EYS: variants seen among roughly 807,000 people sequenced by gnomAD.
EYS encodes protein eyes shut homolog.
Under a neutral mutation model 282.1 loss-of-function variants are expected in EYS, and 250 were observed. The observed-to-expected ratio is 0.89, with a 90% CI of 0.80 to 0.98. EYS has a LOEUF of 0.98. Among genes scored for constraint, EYS ranks in the 50% least tolerant of loss-of-function variants. The probability of loss-of-function intolerance (pLI) is 0.00; values close to 1 mark genes in which losing one functional copy is unlikely to be tolerated. For synonymous variants in EYS, 1,355 were observed against 1,282.9 expected, an observed-to-expected ratio of 1.06 and a Z score of -1.20; for missense variants, 4,016 against 3,709.0, an observed-to-expected ratio of 1.08 and a Z score of -2.15.
At chr6:65,281,783 A>G (rs1438165561) in intron 12 of EYS, among the ~76,000 whole-genome samples, 2 of 152,148 alleles carry the variant, frequency 1.3e-5, no homozygotes, top group Non-Finnish European at 2.9e-5. Context: ...ATAACAGATG[A>G]ACCAGGTTCT....
intron 36 of EYS, among the ~76,000 whole-genome samples, chr6:63,834,353 C>A (rs951061230): frequency 4.6e-5 from 7 of 152,010 alleles, no homozygotes; most frequent in Non-Finnish European, 7.4e-5. Context: ...AGAGCTTTAA[C>A]AAATTTACAA....
intron 22 of EYS, among the ~76,000 whole-genome samples, chr6:64,629,951 G>C (rs1421999836): frequency 1.3e-5 from 2 of 152,120 alleles, no homozygotes; most frequent in African/African-American, 4.8e-5. Flanking sequence ...GCAGTGTTGT[G>C]AGAGGAAATG....
At chr6:64,002,875 T>C (rs1371530221) in intron 33 of EYS, among the ~76,000 whole-genome samples, 1 of 152,230 alleles carries the variant, frequency 6.6e-6, no homozygotes, top group African/African-American at 2.4e-5. Flanking sequence ...TGCTTATTTG[T>C]ATTTTCTAAA....
At chr6:64,997,728 C>G in intron 13 of EYS, 25 bp from the exon 14 acceptor site, 2 of 1,548,410 alleles carry the variant, frequency 1.3e-6, no homozygotes, top group African/African-American at 2.7e-5. Flanking sequence ...AAAGAGAAAA[C>G]TCTTAACATT....
At chr6:65,459,689 T>C (rs1037459505) in intron 5 of EYS, among the ~76,000 whole-genome samples, 1 of 151,632 alleles carries the variant, frequency 6.6e-6, no homozygotes, top group African/African-American at 2.4e-5. Context: ...AAGAGTTTCA[T>C]AGAGAGTCTT....
intron 22 of EYS, among the ~76,000 whole-genome samples, chr6:64,633,649 G>A (rs1455680104): frequency 1.4e-5 from 2 of 147,142 alleles, no homozygotes; most frequent in Non-Finnish European, 3.0e-5. Context: ...AAAAAATGGA[G>A]CCTAAGCCCC....
At chr6:65,441,419 T>G (rs1033088183) in intron 5 of EYS, among the ~76,000 whole-genome samples, 2 of 152,054 alleles carry the variant, frequency 1.3e-5, no homozygotes, top group Admixed American at 6.6e-5. Flanking sequence ...AACTCTTATT[T>G]GAAAATGCAT....
intron 22 of EYS, among the ~76,000 whole-genome samples, chr6:64,802,491 T>C (rs1764277385): frequency 6.6e-6 from 1 of 152,194 alleles, no homozygotes; most frequent in Non-Finnish European, 1.5e-5. Context: ...ATAAATACTG[T>C]AAGATGGCTA....
chr6:65,252,607 C>T (rs1230345374), intron 12 of EYS, among the ~76,000 whole-genome samples: 1 of 151,910 alleles, frequency 6.6e-6, no homozygotes, highest in African/African-American at 2.4e-5. Context: ...AAAATATCAA[C>T]TGATATGGGA....
intron 5 of EYS, among the ~76,000 whole-genome samples, chr6:65,452,968 C>G (rs1764460733): frequency 6.6e-6 from 1 of 151,980 alleles, no homozygotes; most frequent in Non-Finnish European, 1.5e-5. Flanking sequence ...AGATCACAGA[C>G]AAGCTCCGTA....
intron 33 of EYS, among the ~76,000 whole-genome samples, chr6:64,024,240 G>A (rs1322127253): frequency 6.6e-6 from 1 of 152,312 alleles, no homozygotes; most frequent in Non-Finnish European, 1.5e-5. Flanking sequence ...GTCTAGCTAA[G>A]GGATTGTAAA....
intron 13 of EYS, among the ~76,000 whole-genome samples, chr6:65,044,464 T>G (rs772228443): frequency 6.6e-5 from 10 of 151,804 alleles, no homozygotes; most frequent in Admixed American, 4.0e-4. Context: ...CAATCCAATT[T>G]TGTGGAGATT....
At chr6:65,138,109 C>T (rs187622752) in intron 12 of EYS, among the ~76,000 whole-genome samples, 13 of 150,546 alleles carry the variant, frequency 8.6e-5, no homozygotes, top group African/African-American at 2.7e-4. Flanking sequence ...AGGACAGTAC[C>T]GATATCAATG....
chr6:65,516,725 C>A lies in EYS; in HGVS notation c.-332-20732G>T, dbSNP rs1362950666. ...TACATCCATTTTACATGAGGATGTA[C>A]AAAGGCACAAGGATGCCTGGTATTA... On this transcript the variant is annotated intron_variant, in intron 2 of 42. Transcript: ENST00000503581. Among the ~76,000 whole-genome samples the A allele has an allele frequency of 5.3e-5, 8 of 152,048 alleles. No individual in the cohort carries two copies. In the South Asian group the frequency reaches 1.0e-3, roughly 20 times the overall value.
At chr6:64,756,101 A>G (rs921163518) in intron 22 of EYS, among the ~76,000 whole-genome samples, 3 of 152,190 alleles carry the variant, frequency 2.0e-5, no homozygotes, top group African/African-American at 7.2e-5. Flanking sequence ...ATATTCTATC[A>G]TAATCCATGC....
At chr6:63,887,898 T>G (rs555334694) in intron 35 of EYS, among the ~76,000 whole-genome samples, 4 of 152,218 alleles carry the variant, frequency 2.6e-5, no homozygotes, top group Admixed American at 2.0e-4. Context: ...AGCACTGGCT[T>G]GAAATTCTTG....
intron 26 of EYS, among the ~76,000 whole-genome samples, chr6:64,532,934 A>C (rs1764398511): frequency 6.6e-6 from 1 of 152,156 alleles, no homozygotes; most frequent in South Asian, 2.1e-4. Flanking sequence ...GGGATTCTTA[A>C]ATAACTGTGA....
chr6:63,747,995 T>C (rs1769251461), intron 41 of EYS, among the ~76,000 whole-genome samples: 1 of 152,246 alleles, frequency 6.6e-6, no homozygotes, highest in African/African-American at 2.4e-5. Context: ...GTCATTATGA[T>C]GCTAGCTGGT....
At chr6:64,200,031 T>C (rs888290558) in intron 31 of EYS, among the ~76,000 whole-genome samples, 4 of 151,894 alleles carry the variant, frequency 2.6e-5, no homozygotes, top group African/African-American at 7.3e-5. Flanking sequence ...CAAAAAGACA[T>C]GGAAGAAATG....
Sources: gnomAD v4.1 joint callset for allele counts (sites outside exome capture counted in the v4.1 genomes callset) on GRCh38, gnomAD v4.1.1 for gene constraint, MANE v1.5 for transcripts, NCBI Gene and HGNC (gene_info 2026-07-23, HGNC 2026-07-21) for gene names.